Variants in RSBN1L observed in about 807,000 individuals in gnomAD.
RSBN1L encodes the protein round spermatid basic protein 1 like, also known as lysine-specific demethylase RSBN1L.
Under a neutral mutation model 67.7 loss-of-function variants are expected in RSBN1L, and 30 were observed. The ratio of observed to expected loss-of-function variants is 0.44; its 90% CI spans 0.33 to 0.60. The LOEUF is 0.60. Among genes scored for constraint, RSBN1L ranks in the 20% least tolerant of loss-of-function variants. The pLI, the probability that RSBN1L is intolerant of heterozygous loss-of-function variation, is 0.02. For synonymous variants in RSBN1L, 433 were observed against 387.0 expected, an observed-to-expected ratio of 1.12 and a Z score of -1.39; for missense variants, 992 against 1,031.7, an observed-to-expected ratio of 0.96 and a Z score of 0.53.
chr7:77,717,776 G>A (rs1791067038), intron 1 of RSBN1L, among the ~76,000 whole-genome samples: 1 of 152,208 alleles, frequency 6.6e-6, no homozygotes, highest in East Asian at 1.9e-4. Flanking sequence ...TGAGCACTTT[G>A]GGAGGCTGAG....
intron 6 of RSBN1L, among the ~76,000 whole-genome samples, chr7:77,775,577 CAAG>C (rs539382864): frequency 6.5e-4 from 99 of 152,200 alleles, no homozygotes; most frequent in Middle Eastern, 3.4e-3. Flanking sequence ...CATGGGTTAT[CAAG>C]AAGTGTTGTT....
chr7:77,725,368 C>A (rs1457376023), intron 1 of RSBN1L, among the ~76,000 whole-genome samples: 1 of 44,068 alleles, frequency 2.3e-5, no homozygotes, highest in South Asian at 7.1e-4. Context: ...CCTGCCTCAG[C>A]CTCCCAGGTA....
chr7:77,708,731 G>T (rs894691543), intron 1 of RSBN1L, among the ~76,000 whole-genome samples: 4 of 152,170 alleles, frequency 2.6e-5, no homozygotes, highest in Non-Finnish European at 4.4e-5. Flanking sequence ...TTTTAGGAGG[G>T]TGATAATATA....
chr7:77,714,611 G>A (rs12705101), intron 1 of RSBN1L, among the ~76,000 whole-genome samples: 152,190 of 152,286 alleles, frequency 1, 76,047 homozygotes, highest in East Asian at 1. Flanking sequence ...GGACATTTGG[G>A]TTGTTTCTAG....
chr7:77,778,709 C>T lies in RSBN1L; in HGVS notation c.2082C>T (p.His694=). 1 of 1,614,048 alleles carries T rather than the reference C, an allele frequency of 6.2e-7. No individual in the cohort carries two copies. The change falls in exon 8 of 8, where the codon CAC becomes CAT. Residue 694 remains histidine (H), a synonymous_variant. Transcript: ENST00000334955. The part of the protein sequence containing the change: ...LAWHIRLKLY[H]SEEDTSQNTA... ...GGCATATTCGGCTCAAATTATATCA[C>T]TCAGAGGAGGACACTTCTCAGAATA... is the stretch of plus-strand genomic sequence containing the variant.
intron 2 of RSBN1L, among the ~76,000 whole-genome samples, chr7:77,739,739 C>CTTTT (rs1173154183): frequency 0.033 from 1,416 of 42,674 alleles, 278 homozygotes; most frequent in Middle Eastern, 0.068. Context: ...AAAAATGTGT[C>CTTTT]TTTTTTTTTT....
intron 1 of RSBN1L, among the ~76,000 whole-genome samples, chr7:77,724,439 T>C (rs561053420): frequency 3.3e-5 from 5 of 150,120 alleles, no homozygotes; most frequent in Admixed American, 2.0e-4. Context: ...TTTCTTTTTT[T>C]TTTTTTTTGA....
At chr7:77,765,262 T>C (rs1389011079) in intron 3 of RSBN1L, among the ~76,000 whole-genome samples, 1 of 152,150 alleles carries the variant, frequency 6.6e-6, no homozygotes, top group East Asian at 1.9e-4. Context: ...TAGGAATAGT[T>C]AGAGAAAGTA....
chr7:77,713,078 A>G (rs1305687417), intron 1 of RSBN1L, among the ~76,000 whole-genome samples: 1 of 152,156 alleles, frequency 6.6e-6, no homozygotes, highest in East Asian at 1.9e-4. Context: ...GCATTTATTA[A>G]TGATTAAGAT....
intron 3 of RSBN1L, chr7:77,759,838 C>G (rs1791676380): frequency 6.6e-6 from 1 of 152,084 alleles, no homozygotes; most frequent in Admixed American, 6.5e-5. Context: ...TAATGCTGGA[C>G]CAAATAAGTA....
chr7:77,758,596 TTG>T, intron 3 of RSBN1L, among the ~76,000 whole-genome samples: 1 of 152,274 alleles, frequency 6.6e-6, no homozygotes, highest in African/African-American at 2.4e-5. Flanking sequence ...CTTTCTTTTT[TTG>T]TGTGTGCGCA....
At chr7:77,699,529 A>G (rs952337763) in intron 1 of RSBN1L, among the ~76,000 whole-genome samples, 1 of 152,262 alleles carries the variant, frequency 6.6e-6, no homozygotes, top group African/African-American at 2.4e-5. Flanking sequence ...AGTCTGAAGC[A>G]TAGTTATTAA....
chr7:77,726,634 G>T (rs184760734), intron 1 of RSBN1L, among the ~76,000 whole-genome samples: 19 of 152,178 alleles, frequency 1.2e-4, no homozygotes, highest in African/African-American at 4.6e-4. Flanking sequence ...TTTTGAGACG[G>T]AACGTTGCTG....
chr7:77,766,489 A>G (rs1791768026), intron 4 of RSBN1L, among the ~76,000 whole-genome samples: 2 of 150,530 alleles, frequency 1.3e-5, no homozygotes, highest in Non-Finnish European at 3.0e-5. Flanking sequence ...CCACCACCAC[A>G]GGCCCCTTTA....
At position 77,725,597 on chromosome 7, in the gene RSBN1L, A is replaced by G. The variant is rs139121867; in HGVS notation, c.587-10813A>G. ...GTGCATTTACATATGTACATATGTA[A>G]ACACACACTCACAGAAGAGATTATA... On this transcript the variant is annotated intron_variant, in intron 1 of 7. Transcript: ENST00000334955. Among the ~76,000 whole-genome samples, 993 of 150,774 alleles carry G rather than the reference A, an allele frequency of 6.6e-3. 15 individuals are homozygous for G. The highest frequency in any genetic ancestry group is 0.023 in the African/African-American group (927 of 41,022).
intron 4 of RSBN1L, among the ~76,000 whole-genome samples, chr7:77,767,683 C>T (rs1791788624): frequency 1.3e-5 from 2 of 148,696 alleles, no homozygotes; most frequent in Admixed American, 6.7e-5. Flanking sequence ...CCACCGTCTT[C>T]TCTTTTCTCT....
At chr7:77,714,045 C>T (rs549298392) in intron 1 of RSBN1L, among the ~76,000 whole-genome samples, 3 of 152,146 alleles carry the variant, frequency 2.0e-5, no homozygotes, top group East Asian at 3.8e-4. Context: ...GTTTATCATA[C>T]TAAAATCACA....
intron 6 of RSBN1L, among the ~76,000 whole-genome samples, chr7:77,775,246 A>G (rs1791898591): frequency 6.6e-6 from 1 of 152,072 alleles, no homozygotes; most frequent in African/African-American, 2.4e-5. Context: ...TAAAAAAAGG[A>G]GAAACAGGCC....
chr7:77,706,179 C>T (rs542129369), intron 1 of RSBN1L, among the ~76,000 whole-genome samples: 57 of 151,792 alleles, frequency 3.8e-4, no homozygotes, highest in Admixed American at 1.2e-3. Flanking sequence ...CAGGTTCAAG[C>T]GATTCTCCTG....
Sources: gnomAD v4.1 joint callset for allele counts (sites outside exome capture counted in the v4.1 genomes callset) on GRCh38, gnomAD v4.1.1 for gene constraint, MANE v1.5 for transcripts, NCBI Gene and HGNC (gene_info 2026-07-23, HGNC 2026-07-21) for gene names.